The following MTHFD1L variants were observed in gnomAD, a reference collection of about 807,000 sequenced individuals.
MTHFD1L encodes the protein methylenetetrahydrofolate dehydrogenase (NADP+ dependent) 1 like, also known as monofunctional C1-tetrahydrofolate synthase, mitochondrial.
A neutral mutation model predicts 119.5 loss-of-function variants in MTHFD1L; 81 were observed. That is an observed-to-expected ratio of 0.68 (90% CI 0.57 to 0.82). MTHFD1L has a LOEUF of 0.82. Ranked by LOEUF, MTHFD1L falls within the 40% of genes least tolerant of loss-of-function variation. The probability of loss-of-function intolerance (pLI) is 0.00; values close to 1 mark genes in which losing one functional copy is unlikely to be tolerated. For synonymous variants in MTHFD1L, 430 were observed against 475.2 expected (o/e 0.90, Z 1.24); for missense variants, 1,125 against 1,253.4 (o/e 0.90, Z 1.55).
intron 21 of MTHFD1L, among the ~76,000 whole-genome samples, chr6:151,012,016 C>CAAAAAAAAAAAAAAAAAA (rs1562535406): frequency 3.6e-5 from 1 of 27,600 alleles, no homozygotes. Context: ...ACAACAACAA[C>CAAAAAAAAAAAAAAAAAA]AACAAAAAAA....
intron 20 of MTHFD1L, among the ~76,000 whole-genome samples, chr6:150,987,399 G>C (rs1210759470): frequency 6.6e-6 from 1 of 152,212 alleles, no homozygotes; most frequent in Non-Finnish European, 1.5e-5. Flanking sequence ...TGCTGTTCCA[G>C]GCATGGATAA....
chr6:151,053,982 A>T (rs546565798), intron 26 of MTHFD1L, among the ~76,000 whole-genome samples: 131 of 152,026 alleles, frequency 8.6e-4, no homozygotes, highest in African/African-American at 3.0e-3. Flanking sequence ...TTTAATTTTG[A>T]TAACTTTATG....
intron 19 of MTHFD1L, among the ~76,000 whole-genome samples, chr6:150,967,047 G>T (rs1249360086): frequency 6.6e-6 from 1 of 152,166 alleles, no homozygotes; most frequent in Non-Finnish European, 1.5e-5. Context: ...CATTCTGCCA[G>T]CATGCACGTA....
At chr6:150,976,443 C>T (rs2129030330) in intron 20 of MTHFD1L, among the ~76,000 whole-genome samples, 1 of 152,242 alleles carries the variant, frequency 6.6e-6, no homozygotes. Flanking sequence ...CAATTTGAGG[C>T]CCGAAACAAA....
intron 20 of MTHFD1L, among the ~76,000 whole-genome samples, chr6:150,990,259 C>CA (rs1778872752): frequency 2.0e-5 from 3 of 149,066 alleles, no homozygotes; most frequent in Non-Finnish European, 4.4e-5. Flanking sequence ...AGCCCGGCGA[C>CA]GGAGTGAGAT....
In MTHFD1L at chr6:151,005,667, G is replaced by C. The variant is rs111934268; in HGVS notation, c.2126-4152G>C. Among the ~76,000 whole-genome samples, 7 of 152,112 alleles carry C rather than the reference G, an allele frequency of 4.6e-5. No individual in the cohort carries two copies. In the East Asian group the frequency reaches 7.7e-4, roughly 17 times the overall value. On this transcript the variant is annotated intron_variant, in intron 20 of 27. Coordinates refer to ENST00000367321, the MANE Select transcript of MTHFD1L (RefSeq NM_015440.5). ...CGGGTGCCTGTGATCCCAGCTACTC[G>C]GGAGACTGAGGTGGGAGAATCAATT...
intron 19 of MTHFD1L, 42 bp from the exon 20 acceptor site, chr6:150,971,905 G>A (rs775484285): frequency 6.4e-7 from 1 of 1,570,384 alleles, no homozygotes; most frequent in South Asian, 1.1e-5. Flanking sequence ...CCATGCTTCT[G>A]TTTGTCTTTT....
At chr6:151,002,048 T>C (rs1481939369) in intron 20 of MTHFD1L, among the ~76,000 whole-genome samples, 1 of 152,204 alleles carries the variant, frequency 6.6e-6, no homozygotes, top group Non-Finnish European at 1.5e-5. Context: ...CACACTTACC[T>C]CTCAGTTCAG....
intron 26 of MTHFD1L, among the ~76,000 whole-genome samples, chr6:151,085,770 CAAAA>C (rs5880915): frequency 6.7e-6 from 1 of 149,144 alleles, no homozygotes; most frequent in Non-Finnish European, 1.5e-5. Context: ...GACTCTGTCT[CAAAA>C]AAAAAAACAA....
intron 11 of MTHFD1L, among the ~76,000 whole-genome samples, chr6:150,930,450 C>T (rs758425632): frequency 1.3e-4 from 20 of 152,064 alleles, no homozygotes; most frequent in Non-Finnish European, 1.5e-4. Flanking sequence ...AGAATTATTT[C>T]CTTTTTCTAA....
At chr6:150,867,468 C>T (rs1225890322) in intron 1 of MTHFD1L, among the ~76,000 whole-genome samples, 1 of 152,234 alleles carries the variant, frequency 6.6e-6, no homozygotes, top group South Asian at 2.1e-4. Context: ...ATTAATTACA[C>T]GTCAGGTCAT....
chr6:150,875,024 A>T (rs1394829905), intron 1 of MTHFD1L, among the ~76,000 whole-genome samples: 2 of 150,232 alleles, frequency 1.3e-5, no homozygotes, highest in African/African-American at 4.9e-5. Flanking sequence ...CTGGGATTAC[A>T]GGCGTGAGCC....
chr6:151,017,026 C>T (rs1417546807), intron 24 of MTHFD1L, among the ~76,000 whole-genome samples: 1 of 151,860 alleles, frequency 6.6e-6, no homozygotes, highest in Non-Finnish European at 1.5e-5. Context: ...CCACCCGCCT[C>T]GGCCTCCCAG....
chr6:151,073,556 G>T (rs1792166917), intron 26 of MTHFD1L, among the ~76,000 whole-genome samples: 1 of 152,178 alleles, frequency 6.6e-6, no homozygotes, highest in South Asian at 2.1e-4. Context: ...GGACATTAAA[G>T]TAGTTGTTGT....
chr6:150,898,759 C>G (rs933866729), intron 7 of MTHFD1L: 4 of 317,070 alleles, frequency 1.3e-5, no homozygotes, highest in African/African-American at 2.3e-5. Context: ...TACCACCCCC[C>G]ATCTACATAC....
chr6:151,093,985 T>C (rs1354913865), intron 27 of MTHFD1L, among the ~76,000 whole-genome samples: 1 of 152,142 alleles, frequency 6.6e-6, no homozygotes, highest in Admixed American at 6.5e-5. Flanking sequence ...ACTGCAGCCA[T>C]ACCTGCTGGC....
intron 7 of MTHFD1L, among the ~76,000 whole-genome samples, chr6:150,893,733 G>A (rs566878079): frequency 2.8e-4 from 43 of 152,166 alleles, no homozygotes; most frequent in South Asian, 1.0e-3. Context: ...CTGACCTTCC[G>A]GTTATCAGGC....
intron 9 of MTHFD1L, among the ~76,000 whole-genome samples, chr6:150,921,955 T>C (rs1291963535): frequency 1.3e-5 from 2 of 152,250 alleles, no homozygotes; most frequent in Non-Finnish European, 2.9e-5. Context: ...CTTCTTTTAA[T>C]ACTATCAAAC....
Position 150,918,619 on chromosome 6 carries a change from T to A in MTHFD1L, c.935T>A (p.Leu312His). ...TCTCCAAGAATACATTTTGGTGGAC[T>A]CATTGAGGAAGATGATGTGATTCTC... is the stretch of plus-strand genomic sequence containing the variant. ...CGSPRIHFGG[L>H]IEEDDVILLA... The change falls in exon 9 of 28, where the codon CTC becomes CAC. Residue 312 changes from leucine (L) to histidine (H), a missense_variant. Physicochemically the swap from Leu to His is moderately conservative, Grantham distance 99 (BLOSUM62 -3). This residue lies in a region of MTHFD1L where 1,058 missense variants were observed against 1,151.2 expected (regional missense o/e 0.92). Coordinates refer to ENST00000367321, the MANE Select transcript of MTHFD1L (RefSeq NM_015440.5). 6.2e-7 allele frequency: 1 copy of A among 1,614,204 alleles called. No homozygotes were observed.
Sources: gnomAD v4.1 joint callset for allele counts (sites outside exome capture counted in the v4.1 genomes callset) on GRCh38, gnomAD v4.1.1 for gene constraint, gnomAD v4.1.1 regional missense constraint, MANE v1.5 for transcripts, NCBI Gene and HGNC (gene_info 2026-07-23, HGNC 2026-07-21) for gene names.